Variants in IRAG2 observed in about 807,000 individuals in gnomAD.
The protein encoded by IRAG2 is inositol 1,4,5-triphosphate receptor associated 2, also known as lymphoid restricted membrane protein.
A neutral mutation model predicts 69.9 loss-of-function variants in IRAG2; 45 were observed. That is an observed-to-expected ratio of 0.64 (90% CI 0.51 to 0.83). The LOEUF (loss-of-function observed/expected upper bound fraction) is 0.83. Ranked by LOEUF, IRAG2 falls within the 40% of genes least tolerant of loss-of-function variation. IRAG2 has a pLI of 0.00. For missense variants in IRAG2, 520 were observed against 587.0 expected (o/e 0.89, Z 1.18); for synonymous variants, 193 against 202.4 (o/e 0.95, Z 0.40).
chr12:25,014,359 T>G lies in IRAG2; in HGVS notation c.897-823T>G, dbSNP rs767933012. On this transcript the variant is annotated intron_variant, in intron 3 of 38. Transcript: ENST00000636465. ...AGAAACTCAGAAATGGGGATAGGTGTGAACACGAGAATAGTCAGAACTCTG... is the reference window on the plus strand; with the variant it reads ...AGAAACTCAGAAATGGGGATAGGTGGGAACACGAGAATAGTCAGAACTCTG... Among the ~76,000 whole-genome samples the G allele has an allele frequency of 3.4e-4, 52 of 152,260 alleles. 1 individual carries two copies. In the Middle Eastern group the frequency reaches 0.01, roughly 30 times the overall value.
intron 20 of IRAG2, among the ~76,000 whole-genome samples, chr12:25,106,333 T>C (rs1052701370): frequency 7.0e-6 from 1 of 142,278 alleles, no homozygotes; most frequent in African/African-American, 2.5e-5. Context: ...AAAACATATA[T>C]ACAACATATA....
At chr12:25,050,564 G>A (rs1211560990), upstream of IRAG2, among the ~76,000 whole-genome samples, 3 of 142,364 alleles carry the variant, frequency 2.1e-5, no homozygotes, top group Non-Finnish European at 4.6e-5. Context: ...AAAAAAAACA[G>A]TTACAGAGTT....
intron 16 of IRAG2, among the ~76,000 whole-genome samples, chr12:25,046,712 T>C (rs1117118): frequency 0.8 from 121,604 of 152,126 alleles, 49,887 homozygotes; most frequent in South Asian, 0.9. Flanking sequence ...CCTACGTTCA[T>C]AGATTGGAAG....
At chr12:25,006,884 A>C (rs1845441551) in intron 2 of IRAG2, among the ~76,000 whole-genome samples, 2 of 152,176 alleles carry the variant, frequency 1.3e-5, no homozygotes, top group Admixed American at 1.3e-4. Flanking sequence ...AAAAAATTCC[A>C]CAAGTAATTT....
In IRAG2 at chr12:25,108,147, T is replaced by TA; in HGVS notation, c.*88dup. ...TTAGTAACTTTTAGCTGGGAAAGTA[T>TA]AGCATGAAACCAGAGGTTCTCAGAA... On this transcript the variant is annotated 3_prime_UTR_variant, in exon 22 of 22. Coordinates refer to ENST00000556887, the MANE Select transcript of IRAG2 (RefSeq NM_001366544.2). The TA allele has an allele frequency of 6.9e-7, 1 of 1,454,064 alleles. No homozygotes were observed. Among genetic ancestry groups the TA allele is most frequent in the African/African-American group, 1.4e-5 (1 of 71,334 alleles). The allele number at this position is 1,454,064 out of a possible 1,614,324, so 90.1% of individuals were successfully genotyped here. A position where few individuals can be genotyped will look rare whatever the true frequency, so the allele number is the denominator to read the frequency against.
chr12:25,080,220 T>C (rs1947103206), intron 9 of IRAG2, among the ~76,000 whole-genome samples: 1 of 140,972 alleles, frequency 7.1e-6, no homozygotes, highest in Non-Finnish European at 1.6e-5. Context: ...TTTCTGCTAC[T>C]TGACTCTGAA....
chr12:25,063,373 A>G (rs2139983451), intron 3 of IRAG2, among the ~76,000 whole-genome samples: 1 of 152,276 alleles, frequency 6.6e-6, no homozygotes, highest in Non-Finnish European at 1.5e-5. Context: ...TTTTAATTGC[A>G]GTATCACGAA....
intron 9 of IRAG2, among the ~76,000 whole-genome samples, chr12:25,029,626 G>A (rs189551873): frequency 1.3e-5 from 2 of 150,658 alleles, no homozygotes; most frequent in Admixed American, 1.3e-4. Context: ...TATCCTTTAT[G>A]TTCACTTAGC....
intron 15 of IRAG2, chr12:25,037,899 T>A (rs1944714532): frequency 2.5e-6 from 1 of 397,778 alleles, no homozygotes. Flanking sequence ...TGTCCACAGC[T>A]TTTTAGATTG....
intron 16 of IRAG2, among the ~76,000 whole-genome samples, chr12:25,040,781 G>T (rs376542068): frequency 3.9e-5 from 6 of 152,076 alleles, no homozygotes; most frequent in African/African-American, 1.2e-4. Context: ...GTCTTGATTC[G>T]TACGACATCC....
Position 25,079,152 on chromosome 12 carries a change from TA to T in IRAG2, c.25-91del, listed in dbSNP as rs1335364086. ...AGAGCTGAGTAAATATGGGTTCATT[TA>T]GAATTGTATGAAAATGTTTGCTTAA... On this transcript the variant is annotated intron_variant, in intron 6 of 21. Coordinates refer to ENST00000556887, the MANE Select transcript of IRAG2 (RefSeq NM_001366544.2). The T allele has an allele frequency of 3.1e-6, 4 of 1,281,298 alleles. No homozygotes were observed. The African/African-American group carries it at 5.8e-5, about 19-fold the overall frequency. The allele number at this position is 1,281,298 out of a possible 1,614,324, so 79.4% of individuals were successfully genotyped here. A position where few individuals can be genotyped will look rare whatever the true frequency, so the allele number is the denominator to read the frequency against.
At chr12:25,102,725 AT>A (rs1948826844) in intron 17 of IRAG2, 1 of 153,662 alleles carries the variant, frequency 6.5e-6, no homozygotes, top group Admixed American at 6.5e-5. Flanking sequence ...CCAAAGTAAC[AT>A]TTCTCTTTCC....
Position 25,087,042 on chromosome 12 carries a change from C to CCTTACCTT in IRAG2, c.316-1057_316-1050dup, listed in dbSNP as rs1388892488. 3.9e-5 allele frequency among the ~76,000 whole-genome samples: 6 copies of CCTTACCTT among 152,072 alleles called. No individual in the cohort carries two copies. In the South Asian group the frequency reaches 1.0e-3, roughly 26 times the overall value. ...ATGTGATAGCCCTATATCACCCACA[C>CCTTACCTT]CTTACCTTTTCATCTATCCAGTCCT... On this transcript the variant is annotated intron_variant, in intron 10 of 21. Coordinates refer to ENST00000556887, the MANE Select transcript of IRAG2 (RefSeq NM_001366544.2).
In IRAG2 at chr12:25,017,889, T is replaced by A. The variant is rs557533588; in HGVS notation, c.1214+597T>A. On this transcript the variant is annotated intron_variant, in intron 6 of 38. Transcript: ENST00000636465. The stretch of plus-strand genomic sequence containing the variant: ...CCCTGGAAACCTCTATTCTACTTTC[T>A]GTCTCTGTAGATTAGCCTATTCTGG... Among the ~76,000 whole-genome samples the A allele has an allele frequency of 4.6e-5, 7 of 152,332 alleles. No individual in the cohort carries two copies. The East Asian group carries it at 1.3e-3, about 29-fold the overall frequency.
At chr12:25,082,291 C>T (rs1263511397) in intron 9 of IRAG2, among the ~76,000 whole-genome samples, 2 of 151,924 alleles carry the variant, frequency 1.3e-5, no homozygotes, top group Non-Finnish European at 1.5e-5. Context: ...ACTACTTGTC[C>T]TAAAATTTTT....
At chr12:25,097,185 G>T in intron 15 of IRAG2, 141 bp downstream of exon 15, 1 of 622,728 alleles carries the variant, frequency 1.6e-6, no homozygotes, top group Non-Finnish European at 2.5e-6. Flanking sequence ...ATACATATGT[G>T]TTTAATACAG....
upstream of IRAG2, among the ~76,000 whole-genome samples, chr12:25,050,204 G>C (rs11613116): frequency 0.023 from 3,532 of 151,724 alleles, 56 homozygotes; most frequent in East Asian, 0.093. Context: ...GTGCACAGTT[G>C]GGGGAATGGA....
intron 12 of IRAG2, among the ~76,000 whole-genome samples, chr12:25,032,766 A>C (rs746224743): frequency 2.0e-5 from 3 of 152,168 alleles, no homozygotes; most frequent in Non-Finnish European, 4.4e-5. Context: ...TTATAAGGAC[A>C]CTAATCCCAT....
chr12:25,017,561 T>C (rs1944540855), intron 6 of IRAG2, among the ~76,000 whole-genome samples: 2 of 151,818 alleles, frequency 1.3e-5, no homozygotes, highest in East Asian at 1.9e-4. Flanking sequence ...CTACTGAAAA[T>C]ACAAACATTA....
Sources: gnomAD v4.1 joint callset for allele counts (sites outside exome capture counted in the v4.1 genomes callset) on GRCh38, gnomAD v4.1.1 for gene constraint, MANE v1.5 for transcripts, NCBI Gene and HGNC (gene_info 2026-07-23, HGNC 2026-07-21) for gene names.